MEGF11: variants seen among roughly 807,000 people sequenced by gnomAD.
MEGF11 encodes the protein multiple epidermal growth factor-like domains protein 11.
Under a neutral mutation model 146.6 loss-of-function variants are expected in MEGF11, and 126 were observed. The observed-to-expected ratio is 0.86, with a 90% CI of 0.74 to 1.00. The LOEUF (loss-of-function observed/expected upper bound fraction) is 1.00, where lower values mean the gene tolerates loss of function less well. Ranked by LOEUF, MEGF11 falls within the 50% of genes least tolerant of loss-of-function variation. The probability of loss-of-function intolerance (pLI) is 0.00; values close to 1 mark genes in which losing one functional copy is unlikely to be tolerated. For missense variants in MEGF11, 1,509 were observed against 1,521.2 expected (o/e 0.99, Z 0.13); for synonymous variants, 532 against 583.4 (o/e 0.91, Z 1.27).
At chr15:65,954,526 G>A (rs561884627) in intron 10 of MEGF11, among the ~76,000 whole-genome samples, 1 of 152,294 alleles carries the variant, frequency 6.6e-6, no homozygotes, top group East Asian at 1.9e-4. Context: ...AGCCCCAGAG[G>A]AGCCTTTCCA....
intron 5 of MEGF11, among the ~76,000 whole-genome samples, chr15:66,042,008 G>A (rs1317177649): frequency 6.6e-6 from 1 of 151,922 alleles, no homozygotes; most frequent in Non-Finnish European, 1.5e-5. Flanking sequence ...CAAGATCCTC[G>A]ACCCCCAGGA....
intron 5 of MEGF11, among the ~76,000 whole-genome samples, chr15:65,989,769 C>T (rs1017322392): frequency 1.3e-5 from 2 of 152,206 alleles, no homozygotes; most frequent in Admixed American, 1.3e-4. Context: ...TCTGTTTTTA[C>T]ATCTGTAAAA....
At chr15:66,093,939 GAC>G (rs572905353) in intron 5 of MEGF11, among the ~76,000 whole-genome samples, 4 of 152,252 alleles carry the variant, frequency 2.6e-5, no homozygotes, top group Admixed American at 2.6e-4. Context: ...TAATTTTGGG[GAC>G]ACAGAGACAT....
chr15:66,053,822 G>T (rs1427207891), intron 5 of MEGF11, among the ~76,000 whole-genome samples: 1 of 148,026 alleles, frequency 6.8e-6, no homozygotes, highest in Non-Finnish European at 1.5e-5. Context: ...CAACCTCCCT[G>T]GGCTCAGGTG....
At chr15:66,108,171 G>A (rs1448650784) in intron 4 of MEGF11, among the ~76,000 whole-genome samples, 5 of 152,242 alleles carry the variant, frequency 3.3e-5, no homozygotes, top group Admixed American at 6.5e-5. Context: ...GTAACGGGAC[G>A]TTGAGGAGCA....
chr15:66,119,298 A>G (rs763562579), intron 3 of MEGF11, 112 bp from the exon 4 acceptor site: 29 of 716,748 alleles, frequency 4.0e-5, no homozygotes, highest in Non-Finnish European at 2.3e-5. Context: ...TTACTTTAAA[A>G]TGCATGGCGA....
intron 5 of MEGF11, among the ~76,000 whole-genome samples, chr15:66,000,485 C>T (rs11637872): frequency 0.1 from 15,799 of 151,926 alleles, 1,140 homozygotes; most frequent in African/African-American, 0.2. Context: ...TGAGCTATAA[C>T]TGCACCACTG....
intron 5 of MEGF11, among the ~76,000 whole-genome samples, chr15:66,085,066 C>T (rs867638659): frequency 1.5e-4 from 23 of 152,232 alleles, no homozygotes; most frequent in African/African-American, 5.5e-4. Context: ...TCCCCCACTT[C>T]CCTGACAACC....
intron 1 of MEGF11, among the ~76,000 whole-genome samples, chr15:66,141,818 C>T (rs1184621589): frequency 1.3e-5 from 2 of 152,132 alleles, no homozygotes; most frequent in Non-Finnish European, 2.9e-5. Flanking sequence ...TCCTGTCATC[C>T]CTTGGCCTAA....
intron 5 of MEGF11, among the ~76,000 whole-genome samples, chr15:66,008,986 A>G (rs1178177181): frequency 1.3e-5 from 2 of 152,200 alleles, no homozygotes; most frequent in African/African-American, 4.8e-5. Context: ...CCTGCCTGCC[A>G]GGTGAGCTGG....
rs768551955 is a variant in MEGF11 at position 65,913,829 on chromosome 15, C to T, written c.2618G>A (p.Arg873Gln). ...TCGGCCCTTCTCTTTCTGCCGCCGC[C>T]GATGCCAGGCAAATAGGCCCAGCAG... The part of the protein sequence containing the change: ...VVLLGLFAWH[R>Q]RRQKEKGRDL... Residue 873 changes from arginine (R) to glutamine (Q), a missense_variant, in exon 20 of 26, where the codon CGG (arginine) becomes CAG (glutamine). Coordinates refer to ENST00000395614, the MANE Select transcript of MEGF11 (RefSeq NM_001385028.1). 31 of 1,613,964 alleles carry T rather than the reference C, an allele frequency of 1.9e-5. No individual in the cohort carries two copies. Among genetic ancestry groups the T allele is most frequent in the East Asian group, 6.7e-5 (3 of 44,886 alleles).
intron 10 of MEGF11, among the ~76,000 whole-genome samples, chr15:65,948,139 C>T (rs1048431071): frequency 1.3e-5 from 2 of 152,252 alleles, no homozygotes; most frequent in Non-Finnish European, 1.5e-5. Context: ...CCCCACCATC[C>T]CTCCCTGCCC....
chr15:66,080,306 G>A (rs904839759), intron 5 of MEGF11, among the ~76,000 whole-genome samples: 2 of 152,202 alleles, frequency 1.3e-5, no homozygotes, highest in African/African-American at 4.8e-5. Context: ...GTCACCAGAT[G>A]CGGGACCTCA....
intron 1 of MEGF11, among the ~76,000 whole-genome samples, chr15:66,204,316 C>T (rs1173833220): frequency 6.6e-6 from 1 of 152,082 alleles, no homozygotes; most frequent in Non-Finnish European, 1.5e-5. Context: ...GTGAAAGGAT[C>T]ACTTGAGCCC....
chr15:66,044,875 A>AG (rs1567215917), intron 5 of MEGF11, among the ~76,000 whole-genome samples: 2 of 134,586 alleles, frequency 1.5e-5, no homozygotes, highest in Non-Finnish European at 1.6e-5. Context: ...AAAAAAAAAA[A>AG]AAAAAGAAAT....
At chr15:66,128,193 G>A in intron 2 of MEGF11, 113 bp downstream of exon 2, 2 of 582,498 alleles carry the variant, frequency 3.4e-6, no homozygotes, top group Non-Finnish European at 5.6e-6. Flanking sequence ...CCCCAGCCAG[G>A]CTGCAGACCC....
At chr15:66,199,769 A>G (rs933894106) in intron 1 of MEGF11, among the ~76,000 whole-genome samples, 1 of 152,192 alleles carries the variant, frequency 6.6e-6, no homozygotes, top group Non-Finnish European at 1.5e-5. Context: ...AGCCTGGGCA[A>G]CAGAATCAGA....
intron 1 of MEGF11, among the ~76,000 whole-genome samples, chr15:66,150,114 C>A (rs1025426973): frequency 1.6e-4 from 24 of 152,248 alleles, no homozygotes; most frequent in Non-Finnish European, 2.8e-4. Flanking sequence ...CCGGCTCCCC[C>A]TTTCATGTGG....
intron 1 of MEGF11, among the ~76,000 whole-genome samples, chr15:66,226,998 A>G (rs1428454372): frequency 1.3e-5 from 2 of 152,032 alleles, no homozygotes; most frequent in African/African-American, 4.8e-5. Context: ...GAAAATCACA[A>G]CCCAGGCAGG....
Sources: gnomAD v4.1 joint callset for allele counts (sites outside exome capture counted in the v4.1 genomes callset) on GRCh38, gnomAD v4.1.1 for gene constraint, MANE v1.5 for transcripts, NCBI Gene and HGNC (gene_info 2026-07-23, HGNC 2026-07-21) for gene names.